RAB30: variants seen among roughly 807,000 people sequenced by gnomAD.
RAB30 encodes RAB30, member RAS oncogene family.
In RAB30, 9 loss-of-function variants were observed where a neutral mutation model predicts 25.1. That is an observed-to-expected ratio of 0.36 (90% confidence interval 0.22 to 0.63). The LOEUF (loss-of-function observed/expected upper bound fraction) is 0.63. RAB30 is among the 20% of genes least tolerant of loss of function. The pLI is 0.69. For synonymous variants in RAB30, 77 were observed against 86.4 expected (o/e 0.89, Z 0.60); for missense variants, 140 against 243.5 (o/e 0.58, Z 2.83).
intron 1 of RAB30, among the ~76,000 whole-genome samples, chr11:83,070,442 C>T (rs1190325776): frequency 2.6e-5 from 4 of 152,198 alleles, no homozygotes; most frequent in East Asian, 1.9e-4. Flanking sequence ...AAGAATTTCG[C>T]CCATGTCTGA....
At chr11:82,985,338 G>A (rs1030477485) in intron 4 of RAB30, among the ~76,000 whole-genome samples, 1 of 152,116 alleles carries the variant, frequency 6.6e-6, no homozygotes, top group East Asian at 1.9e-4. Context: ...TTAACTTTTA[G>A]AAGATACTGG....
At chr11:83,070,530 G>T (rs1342107364) in intron 1 of RAB30, among the ~76,000 whole-genome samples, 1 of 152,050 alleles carries the variant, frequency 6.6e-6, no homozygotes, top group Admixed American at 6.5e-5. Context: ...ATTCCAAGAG[G>T]GGGTGTGGTT....
At chr11:83,015,262 T>G (rs558364699) in intron 1 of RAB30, among the ~76,000 whole-genome samples, 1 of 152,186 alleles carries the variant, frequency 6.6e-6, no homozygotes, top group Non-Finnish European at 1.5e-5. Flanking sequence ...AGGTGAGAGA[T>G]CATATGGCTT....
At chr11:82,996,822 G>GT (rs1856968431) in intron 2 of RAB30, among the ~76,000 whole-genome samples, 1 of 152,184 alleles carries the variant, frequency 6.6e-6, no homozygotes, top group Non-Finnish European at 1.5e-5. Flanking sequence ...AGTTTGATTG[G>GT]TTTAATTTGT....
At chr11:83,014,637 A>G (rs558190016) in intron 1 of RAB30, among the ~76,000 whole-genome samples, 13 of 44,224 alleles carry the variant, frequency 2.9e-4, no homozygotes, top group Non-Finnish European at 5.8e-4. Flanking sequence ...AGTAAGAAAA[A>G]GAAAGAAAGA....
chr11:83,055,127 T>TTCTGCA (rs754267401), intron 1 of RAB30, among the ~76,000 whole-genome samples: 22 of 152,196 alleles, frequency 1.4e-4, no homozygotes, highest in African/African-American at 3.6e-4. Flanking sequence ...GAGTCACAAT[T>TTCTGCA]TCTGCATCTG....
intron 1 of RAB30, among the ~76,000 whole-genome samples, chr11:83,026,700 T>G (rs369563809): frequency 2.0e-4 from 31 of 152,142 alleles, no homozygotes; most frequent in African/African-American, 6.5e-4. Context: ...TAGGGCAAGA[T>G]TGAAAAGAAA....
chr11:83,012,591 T>C (rs1287946488), intron 1 of RAB30, among the ~76,000 whole-genome samples: 1 of 152,170 alleles, frequency 6.6e-6, no homozygotes, highest in Admixed American at 6.5e-5. Flanking sequence ...ACCTATCCTA[T>C]GTGTATTTAT....
chr11:82,998,604 A>G (rs976916097), intron 1 of RAB30, among the ~76,000 whole-genome samples: 4 of 151,918 alleles, frequency 2.6e-5, no homozygotes, highest in African/African-American at 9.7e-5. Flanking sequence ...TGGTAAAAGC[A>G]ATTGTAATCT....
At chr11:82,997,197 T>A in intron 2 of RAB30, 27 bp downstream of exon 2, 1 of 1,567,084 alleles carries the variant, frequency 6.4e-7, no homozygotes, top group Non-Finnish European at 8.8e-7. Flanking sequence ...ACCCTGGGCT[T>A]ACGAGTTCCC....
intron 1 of RAB30, among the ~76,000 whole-genome samples, chr11:83,067,386 T>C (rs985436776): frequency 6.6e-6 from 1 of 152,162 alleles, no homozygotes; most frequent in African/African-American, 2.4e-5. Flanking sequence ...TCCAACATCA[T>C]ACAGCTAATA....
At chr11:82,996,620 A>C (rs1367240383) in intron 2 of RAB30, among the ~76,000 whole-genome samples, 1 of 152,220 alleles carries the variant, frequency 6.6e-6, no homozygotes, top group African/African-American at 2.4e-5. Flanking sequence ...GGGCAGTCCC[A>C]AAGGGAACCT....
chr11:83,007,161 G>A (rs1857202072), intron 1 of RAB30, among the ~76,000 whole-genome samples: 1 of 152,132 alleles, frequency 6.6e-6, no homozygotes, highest in Non-Finnish European at 1.5e-5. Context: ...GCAAACACAG[G>A]TCCCCTGACT....
intron 2 of RAB30, among the ~76,000 whole-genome samples, chr11:82,996,598 T>C (rs1191184139): frequency 6.6e-6 from 1 of 152,218 alleles, no homozygotes. Context: ...TCTCCAGCAG[T>C]GATTCTCAAA....
At chr11:83,050,300 T>G (rs1224163493) in intron 1 of RAB30, among the ~76,000 whole-genome samples, 1 of 152,104 alleles carries the variant, frequency 6.6e-6, no homozygotes, top group Non-Finnish European at 1.5e-5. Flanking sequence ...TCCCTTTATT[T>G]ACTCATTTGT....
At chr11:83,021,379 C>G (rs2121512332) in intron 1 of RAB30, among the ~76,000 whole-genome samples, 1 of 152,348 alleles carries the variant, frequency 6.6e-6, no homozygotes, top group East Asian at 1.9e-4. Context: ...CTGTGACTCC[C>G]TCTTCTGGGC....
chr11:83,003,575 A>G (rs887901772), intron 1 of RAB30, among the ~76,000 whole-genome samples: 1 of 152,066 alleles, frequency 6.6e-6, no homozygotes, highest in Non-Finnish European at 1.5e-5. Flanking sequence ...GGCATGCACC[A>G]CCATGCCTGG....
At chr11:83,067,122 C>G (rs777291680) in intron 1 of RAB30, among the ~76,000 whole-genome samples, 2 of 152,126 alleles carry the variant, frequency 1.3e-5, no homozygotes, top group East Asian at 1.9e-4. Context: ...ACCCCTACCC[C>G]CTAGCCTAGT....
chr11:82,982,797 G>T (rs1025796645), intron 4 of RAB30, among the ~76,000 whole-genome samples: 11 of 152,138 alleles, frequency 7.2e-5, no homozygotes. Flanking sequence ...CAGAGGCAGA[G>T]GTTGCAGTGA....
Sources: gnomAD v4.1 joint callset for allele counts (sites outside exome capture counted in the v4.1 genomes callset) on GRCh38, gnomAD v4.1.1 for gene constraint, MANE v1.5 for transcripts, NCBI Gene and HGNC (gene_info 2026-07-23, HGNC 2026-07-21) for gene names.